RANBP17: variants seen among roughly 807,000 people sequenced by gnomAD.
RANBP17 encodes the protein RAN binding protein 17, also known as ran-binding protein 17.
Under a neutral mutation model 141.2 loss-of-function variants are expected in RANBP17, and 158 were observed. The observed-to-expected ratio is 1.12, with a 90% CI of 0.98 to 1.28. The LOEUF is 1.28. Among genes scored for constraint, RANBP17 ranks in the 50% most tolerant of loss-of-function variants. The probability of loss-of-function intolerance (pLI) is 0.00; values close to 1 mark genes in which losing one functional copy is unlikely to be tolerated. For synonymous variants in RANBP17, 430 were observed against 450.0 expected, an observed-to-expected ratio of 0.96 and a Z score of 0.56; for missense variants, 1,438 against 1,290.7, an observed-to-expected ratio of 1.11 and a Z score of -1.75.
intron 14 of RANBP17, among the ~76,000 whole-genome samples, chr5:170,978,086 C>T (rs1214540412): frequency 6.6e-6 from 1 of 151,958 alleles, no homozygotes; most frequent in Non-Finnish European, 1.5e-5. Context: ...TCTAAATGGC[C>T]AATATGCATA....
At chr5:171,167,238 G>C (rs1440117768) in intron 14 of RANBP17, among the ~76,000 whole-genome samples, 1 of 152,044 alleles carries the variant, frequency 6.6e-6, no homozygotes, top group African/African-American at 2.4e-5. Flanking sequence ...TTCCTTGTAG[G>C]ACCCATTGAA....
chr5:170,930,765 A>C (rs1773306679), intron 12 of RANBP17, among the ~76,000 whole-genome samples: 1 of 152,140 alleles, frequency 6.6e-6, no homozygotes, highest in African/African-American at 2.4e-5. Flanking sequence ...GCTGCATAGT[A>C]TTCCATGGTG....
At chr5:170,953,288 G>GT (rs2127496351) in intron 12 of RANBP17, among the ~76,000 whole-genome samples, 1 of 152,170 alleles carries the variant, frequency 6.6e-6, no homozygotes, top group African/African-American at 2.4e-5. Flanking sequence ...GGTAGACATT[G>GT]TTTTTTCCAT....
At chr5:170,924,581 T>A in intron 12 of RANBP17, 31 bp downstream of exon 12, 1 of 1,332,336 alleles carries the variant, frequency 7.5e-7, no homozygotes, top group Non-Finnish European at 1.1e-6. Flanking sequence ...TACTGAGTAT[T>A]ATGTTGAATA....
chr5:171,260,462 C>CAAAAA (rs531075409), intron 24 of RANBP17, among the ~76,000 whole-genome samples: 2 of 51,428 alleles, frequency 3.9e-5, no homozygotes, highest in African/African-American at 1.4e-4. Context: ...GACTCCGTCT[C>CAAAAA]AAAAAAAAAA....
chr5:171,047,023 T>A (rs1782632137), intron 14 of RANBP17, among the ~76,000 whole-genome samples: 1 of 145,996 alleles, frequency 6.8e-6, no homozygotes, highest in Non-Finnish European at 1.5e-5. Flanking sequence ...CCTTTTTTTT[T>A]TTTTTTTTTT....
intron 18 of RANBP17, among the ~76,000 whole-genome samples, chr5:171,199,311 A>G (rs1340786980): frequency 2.0e-5 from 3 of 151,360 alleles, no homozygotes; most frequent in East Asian, 1.9e-4. Context: ...AGAAGGGGGA[A>G]AAAAAAAACA....
intron 3 of RANBP17, among the ~76,000 whole-genome samples, chr5:170,888,589 T>C (rs998544397): frequency 6.6e-6 from 1 of 152,180 alleles, no homozygotes; most frequent in African/African-American, 2.4e-5. Flanking sequence ...TAATCATTTA[T>C]TAGTTCATAA....
At chr5:171,053,910 TATATATATA>T (rs1783153318) in intron 14 of RANBP17, among the ~76,000 whole-genome samples, 1 of 135,620 alleles carries the variant, frequency 7.4e-6, no homozygotes, top group Non-Finnish European at 1.6e-5. Context: ...TATATATATA[TATATATATA>T]TATATAATTG....
intron 1 of RANBP17, among the ~76,000 whole-genome samples, chr5:170,866,055 T>G (rs369089572): frequency 1.3e-5 from 2 of 152,144 alleles, no homozygotes; most frequent in East Asian, 3.9e-4. Flanking sequence ...ATTGATTGAT[T>G]GTCCACGTGT....
chr5:170,862,301 G>T lies in RANBP17; in HGVS notation c.18+250G>T, dbSNP rs952605222. ...GGGTTGGAGGCGGCGGGTGGAGGGG[G>T]CGGGGGACAGGCCCAGGGCTCGTCC... is the stretch of plus-strand genomic sequence containing the variant. On this transcript the variant is annotated intron_variant, in intron 1 of 27. Transcript: ENST00000523189. 3.3e-5 allele frequency among the ~76,000 whole-genome samples: 5 copies of T among 152,180 alleles called. No homozygotes were observed. In the South Asian group the frequency reaches 1.0e-3, roughly 31 times the overall value.
At chr5:170,949,845 A>G (rs1414635436) in intron 12 of RANBP17, among the ~76,000 whole-genome samples, 1 of 152,230 alleles carries the variant, frequency 6.6e-6, no homozygotes, top group Non-Finnish European at 1.5e-5. Context: ...GAATGGGTAA[A>G]TGAAATGTGA....
intron 14 of RANBP17, among the ~76,000 whole-genome samples, chr5:171,002,070 C>T (rs10060619): frequency 0.59 from 90,201 of 151,934 alleles, 28,741 homozygotes; most frequent in South Asian, 0.88. Flanking sequence ...AGATGGAACA[C>T]TGAGAAGTGA....
In RANBP17 at chr5:171,054,926, G is replaced by A. The variant is rs145459940; in HGVS notation, c.1710+86549G>A. On this transcript the variant is annotated intron_variant, in intron 14 of 27. Coordinates refer to ENST00000523189, the MANE Select transcript of RANBP17 (RefSeq NM_022897.5). ...TCTCTTGTATTCAGGGTGGAGAGGC[G>A]CACATTTAGAAAGCATCCATATGCT... Among the ~76,000 whole-genome samples the A allele has an allele frequency of 3.7e-3, 560 of 152,184 alleles. 2 individuals carry two copies. The highest frequency in any genetic ancestry group is 6.6e-3 in the Non-Finnish European group (449 of 67,996).
rs534903364 is a variant in RANBP17 at position 170,892,589 on chromosome 5, A to G, written c.423+36A>G. ...ATTGCTACATGGTTAGAACATCACT[A>G]CTTGCTTTTTTTGGTTTAGAATACT... On this transcript the variant is annotated intron_variant, in intron 4 of 27. Coordinates refer to ENST00000523189, the MANE Select transcript of RANBP17 (RefSeq NM_022897.5). The G allele has an allele frequency of 2.2e-5, 35 of 1,576,252 alleles. No homozygotes were observed. In the South Asian group the frequency reaches 3.4e-4, roughly 15 times the overall value.
intron 14 of RANBP17, among the ~76,000 whole-genome samples, chr5:171,077,018 C>T (rs766014498): frequency 6.6e-6 from 1 of 152,070 alleles, no homozygotes; most frequent in Admixed American, 6.5e-5. Context: ...AATGTAGAGA[C>T]AACCAGCCAT....
At chr5:170,920,993 T>C (rs569567274) in intron 11 of RANBP17, among the ~76,000 whole-genome samples, 124 of 152,246 alleles carry the variant, frequency 8.1e-4, no homozygotes, top group African/African-American at 2.8e-3. Context: ...GGTATTAGCC[T>C]TTTGTCAGAT....
intron 3 of RANBP17, 82 bp from the exon 4 acceptor site, chr5:170,892,305 C>A: frequency 3.1e-6 from 2 of 649,438 alleles, no homozygotes; most frequent in South Asian, 3.5e-5. Flanking sequence ...CCTTCCCCCA[C>A]CCCCACCTCT....
chr5:171,183,497 G>A (rs1373464109), intron 18 of RANBP17, 67 bp downstream of exon 18: 3 of 1,018,926 alleles, frequency 2.9e-6, no homozygotes, highest in Non-Finnish European at 4.6e-6. Context: ...TAAAGAAGTG[G>A]AGTACTAGTG....
Sources: gnomAD v4.1 joint callset for allele counts (sites outside exome capture counted in the v4.1 genomes callset) on GRCh38, gnomAD v4.1.1 for gene constraint, MANE v1.5 for transcripts, NCBI Gene and HGNC (gene_info 2026-07-23, HGNC 2026-07-21) for gene names.